C11orf65: variants seen among roughly 807,000 people sequenced by gnomAD.
The protein encoded by C11orf65 is protein MFI.
Under a neutral mutation model 35.3 loss-of-function variants are expected in C11orf65, and 38 were observed. That is an observed-to-expected ratio of 1.08 (90% CI 0.83 to 1.41). C11orf65 has a LOEUF of 1.41. C11orf65 is among the 40% of genes most tolerant of loss of function. The pLI is 0.00. For missense variants in C11orf65, 370 were observed against 367.1 expected, an observed-to-expected ratio of 1.01 and a Z score of -0.06; for synonymous variants, 105 against 114.4, an observed-to-expected ratio of 0.92 and a Z score of 0.53.
At chr11:108,385,302 C>T (rs911760848) in intron 8 of C11orf65, among the ~76,000 whole-genome samples, 3 of 152,078 alleles carry the variant, frequency 2.0e-5, no homozygotes, top group African/African-American at 4.8e-5. Context: ...GAACTCCTGA[C>T]CTCAGGTGAT....
At chr11:108,434,708 T>C (rs2093038225) in intron 2 of C11orf65, among the ~76,000 whole-genome samples, 1 of 152,194 alleles carries the variant, frequency 6.6e-6, no homozygotes, top group Non-Finnish European at 1.5e-5. Flanking sequence ...ACTTCCATTA[T>C]GGAAAGGGCA....
At chr11:108,343,142 C>T (rs2087792524) in intron 2 of C11orf65, 1 of 1,565,158 alleles carries the variant, frequency 6.4e-7, no homozygotes, top group Non-Finnish European at 8.8e-7. Context: ...ATGCTTTGCA[C>T]TGACTCTGAT....
intron 8 of C11orf65, among the ~76,000 whole-genome samples, chr11:108,383,489 G>A (rs1012788296): frequency 3.9e-5 from 6 of 152,110 alleles, no homozygotes; most frequent in African/African-American, 9.7e-5. Flanking sequence ...GATAATAACC[G>A]CACCTACCTC....
intron 6 of C11orf65, among the ~76,000 whole-genome samples, chr11:108,320,810 T>A (rs1469825788): frequency 6.6e-6 from 1 of 152,226 alleles, no homozygotes; most frequent in Non-Finnish European, 1.5e-5. Context: ...CTCAAAAGCT[T>A]AACTACTAAT....
intron 6 of C11orf65, among the ~76,000 whole-genome samples, chr11:108,403,410 TTTTTTTTTTG>T (rs1183304722): frequency 7.4e-3 from 380 of 51,368 alleles, no homozygotes; most frequent in Admixed American, 0.012. Context: ...GTTTGAGAGG[TTTTTTTTTTG>T]TTTTTTTTTT....
At chr11:108,435,819 A>G (rs2093052045) in intron 2 of C11orf65, among the ~76,000 whole-genome samples, 1 of 152,196 alleles carries the variant, frequency 6.6e-6, no homozygotes, top group South Asian at 2.1e-4. Context: ...ATAGTGTGGT[A>G]GGCAGCATAA....
intron 2 of C11orf65, among the ~76,000 whole-genome samples, chr11:108,341,512 T>A (rs1189344287): frequency 6.6e-6 from 1 of 152,160 alleles, no homozygotes; most frequent in African/African-American, 2.4e-5. Flanking sequence ...GTGTGTAACA[T>A]GTAATACGCC....
Position 108,385,950 on chromosome 11 carries a change from C to T in C11orf65, c.757G>A (p.Ala253Thr). ...AAGTTAGCCGAAGAGTTGCTTGTAG[C>T]AATTTCCTTCCAGCTGGCAATGTAC... is the stretch of plus-strand genomic sequence containing the variant. ...DEYIASWKEI[A>T]TSNSSANFKG... Residue 253 changes from alanine (A) to threonine (T), a missense_variant, in exon 8 of 9, where the codon GCT becomes ACT. By Grantham distance (58) the Ala-to-Thr change is moderately conservative. Coordinates refer to ENST00000393084, the MANE Select transcript of C11orf65 (RefSeq NM_152587.5). 4 of 1,613,936 alleles carry T rather than the reference C, an allele frequency of 2.5e-6. No homozygotes were observed. The highest frequency in any genetic ancestry group is 2.5e-6 in the Non-Finnish European group (3 of 1,179,942).
At chr11:108,368,608 A>G (rs1250193649) in intron 2 of C11orf65, 1 of 218,542 alleles carries the variant, frequency 4.6e-6, no homozygotes, top group African/African-American at 2.2e-5. Context: ...AGGCGAAAAG[A>G]ATCTGGGGTT....
chr11:108,357,604 A>G (rs1322793202), intron 2 of C11orf65, among the ~76,000 whole-genome samples: 18 of 152,136 alleles, frequency 1.2e-4, no homozygotes, highest in Non-Finnish European at 7.4e-5. Context: ...ATCGGACAAC[A>G]GGCAGACTGC....
At chr11:108,332,723 G>A (rs373136939) in intron 3 of C11orf65, 5 of 1,596,920 alleles carry the variant, frequency 3.1e-6, no homozygotes, top group Non-Finnish European at 4.3e-6. Flanking sequence ...TAAATGTTGG[G>A]TAGTTCCTTA....
intron 3 of C11orf65, among the ~76,000 whole-genome samples, chr11:108,422,220 G>A (rs796601634): frequency 6.6e-5 from 10 of 152,222 alleles, no homozygotes; most frequent in African/African-American, 2.2e-4. Context: ...GAGCCACCGC[G>A]CCTGGCCGAC....
At chr11:108,395,621 T>A (rs1289257160) in intron 6 of C11orf65, among the ~76,000 whole-genome samples, 2 of 106,352 alleles carry the variant, frequency 1.9e-5, no homozygotes, top group Non-Finnish European at 3.3e-5. Context: ...CCAGCCCAAA[T>A]TTTTTTTTTT....
intron 7 of C11orf65, among the ~76,000 whole-genome samples, chr11:108,390,696 G>A (rs1164456555): frequency 6.6e-6 from 1 of 152,104 alleles, no homozygotes; most frequent in Non-Finnish European, 1.5e-5. Context: ...AGGAAGAAAA[G>A]TAAAAGCAAG....
chr11:108,455,401 A>C (rs1434807680), intron 2 of C11orf65, among the ~76,000 whole-genome samples: 1 of 152,228 alleles, frequency 6.6e-6, no homozygotes, highest in East Asian at 1.9e-4. Flanking sequence ...GTAAAGTTAC[A>C]AACTCAACAT....
intron 2 of C11orf65, among the ~76,000 whole-genome samples, chr11:108,357,217 G>A (rs555533784): frequency 7.2e-5 from 11 of 152,202 alleles, no homozygotes; most frequent in African/African-American, 1.4e-4. Flanking sequence ...ACTCCCACCC[G>A]AATATTGCGC....
At chr11:108,428,110 T>C (rs1357317002) in intron 3 of C11orf65, among the ~76,000 whole-genome samples, 1 of 151,146 alleles carries the variant, frequency 6.6e-6, no homozygotes, top group Non-Finnish European at 1.5e-5. Context: ...ATTACAGGCG[T>C]GAGCCACCGC....
chr11:108,386,883 G>A (rs1020323432), intron 7 of C11orf65, among the ~76,000 whole-genome samples: 10 of 151,878 alleles, frequency 6.6e-5, no homozygotes, highest in African/African-American at 2.2e-4. Context: ...AGATCGAGAC[G>A]ACCCTGGCTA....
At chr11:108,403,420 G>GTTTTT (rs869122131) in intron 6 of C11orf65, among the ~76,000 whole-genome samples, 4 of 119,682 alleles carry the variant, frequency 3.3e-5, no homozygotes, top group Non-Finnish European at 6.4e-5. Flanking sequence ...TTTTTTTTTT[G>GTTTTT]TTTTTTTTTT....
Sources: allele counts gnomAD v4.1 joint callset (sites outside exome capture counted in the v4.1 genomes callset), GRCh38; gene constraint gnomAD v4.1.1; transcripts MANE v1.5; gene names NCBI Gene and HGNC (gene_info 2026-07-23, HGNC 2026-07-21).